The following SLC4A4 variants were observed in gnomAD, a reference collection of about 807,000 sequenced individuals.
The protein encoded by SLC4A4 is electrogenic sodium bicarbonate cotransporter 1.
SLC4A4 carries 27 observed loss-of-function variants against 111.5 expected under a neutral mutation model. The observed-to-expected ratio is 0.24, with a 90% CI of 0.18 to 0.33. The LOEUF (loss-of-function observed/expected upper bound fraction) is 0.33, where lower values mean the gene tolerates loss of function less well. Ranked by LOEUF, SLC4A4 falls within the 10% of genes least tolerant of loss-of-function variation. The probability of loss-of-function intolerance (pLI) is 1.00; values close to 1 mark genes in which losing one functional copy is unlikely to be tolerated. For missense variants in SLC4A4, 909 were observed against 1,315.5 expected, an observed-to-expected ratio of 0.69 and a Z score of 4.78; for synonymous variants, 443 against 463.4, an observed-to-expected ratio of 0.96 and a Z score of 0.57.
At chr4:71,174,255 CTT>C (rs35256882) in intron 2 of SLC4A4, among the ~76,000 whole-genome samples, 46 of 140,798 alleles carry the variant, frequency 3.3e-4, no homozygotes, top group East Asian at 6.1e-4. Context: ...CCACACCACA[CTT>C]TTTTTTTTTT....
intron 7 of SLC4A4, among the ~76,000 whole-genome samples, chr4:71,426,148 A>G (rs940805780): frequency 1.3e-5 from 2 of 152,112 alleles, no homozygotes; most frequent in Middle Eastern, 3.4e-3. Context: ...TTTTATTGCT[A>G]CAAAAAGTCT....
Position 71,266,444 on chromosome 4 carries a change from G to A in SLC4A4, c.253+11045G>A, listed in dbSNP as rs934508668. Among the ~76,000 whole-genome samples the A allele has an allele frequency of 2.0e-5, 3 of 152,116 alleles. No homozygotes were observed. In the South Asian group the frequency reaches 6.2e-4, roughly 31 times the overall value. On this transcript the variant is annotated intron_variant, in intron 3 of 25. Transcript: ENST00000264485. ...ATTACAGTTTGGCTTTTAGGCAATT[G>A]TGCAGCTTTTTGAGTATGTGGTAAG... is the stretch of plus-strand genomic sequence containing the variant.
intron 2 of SLC4A4, among the ~76,000 whole-genome samples, chr4:71,117,741 G>T (rs1196916018): frequency 1.3e-5 from 2 of 151,938 alleles, no homozygotes; most frequent in African/African-American, 4.8e-5. Flanking sequence ...AGATGGAAAG[G>T]GTTCTCTCCC....
At chr4:71,481,855 C>T (rs974775704) in intron 14 of SLC4A4, among the ~76,000 whole-genome samples, 91 of 151,664 alleles carry the variant, frequency 6.0e-4, no homozygotes, top group African/African-American at 2.1e-3. Context: ...TGTGGAAGCT[C>T]TCTGAAAGCC....
chr4:71,143,028 A>G (rs1744052285), intron 2 of SLC4A4, among the ~76,000 whole-genome samples: 1 of 151,968 alleles, frequency 6.6e-6, no homozygotes, highest in Admixed American at 6.6e-5. Flanking sequence ...TACATGTGCC[A>G]TGTTGGTGTG....
chr4:71,149,809 C>T (rs2148971304), intron 2 of SLC4A4, among the ~76,000 whole-genome samples: 1 of 152,256 alleles, frequency 6.6e-6, no homozygotes, highest in East Asian at 1.9e-4. Flanking sequence ...CATGAAAATG[C>T]AGCCAGAGCC....
chr4:71,539,227 T>C (rs7688931), intron 18 of SLC4A4, among the ~76,000 whole-genome samples: 109,179 of 151,942 alleles, frequency 0.72, 39,509 homozygotes, highest in Admixed American at 0.76. Flanking sequence ...GCCTAGACTC[T>C]TCTAAAGGGT....
At chr4:71,407,781 GT>G (rs564084815) in intron 7 of SLC4A4, among the ~76,000 whole-genome samples, 2,848 of 144,304 alleles carry the variant, frequency 0.02, 54 homozygotes, top group African/African-American at 0.05. Context: ...ACATTTCAAT[GT>G]TTTTTTTTTT....
At position 71,348,243 on chromosome 4, in the gene SLC4A4, GT is replaced by G. The variant is rs374491031; in HGVS notation, c.390-1661del. On this transcript the variant is annotated intron_variant, in intron 4 of 25. Coordinates refer to ENST00000264485, the MANE Select transcript of SLC4A4 (RefSeq NM_001098484.3). ...TCTTTGAGTGTGATATAAAATTGTC[GT>G]TTTTTTTCTCCCAGTTCCTTTTATT... is the stretch of plus-strand genomic sequence containing the variant. Among the ~76,000 whole-genome samples the G allele has an allele frequency of 8.0e-3, 1,196 of 149,186 alleles. 17 individuals carry two copies. Among genetic ancestry groups the G allele is most frequent in the African/African-American group, 0.026 (1,059 of 40,710 alleles).
chr4:71,503,855 G>A (rs1731158766), intron 16 of SLC4A4, among the ~76,000 whole-genome samples: 1 of 152,046 alleles, frequency 6.6e-6, no homozygotes, highest in Non-Finnish European at 1.5e-5. Context: ...TTTTTTATAA[G>A]ACTGATCTAG....
intron 2 of SLC4A4, among the ~76,000 whole-genome samples, chr4:71,163,110 A>C (rs1744652454): frequency 6.6e-6 from 1 of 152,256 alleles, no homozygotes; most frequent in South Asian, 2.1e-4. Flanking sequence ...TGGTAACATC[A>C]GATGCATTAT....
At chr4:71,096,062 T>C (rs1375266578) in intron 2 of SLC4A4, among the ~76,000 whole-genome samples, 1 of 151,984 alleles carries the variant, frequency 6.6e-6, no homozygotes, top group Non-Finnish European at 1.5e-5. Context: ...CACTCTAGGA[T>C]ATAGGCAGGC....
At chr4:71,422,498 T>G (rs1406655023) in intron 7 of SLC4A4, among the ~76,000 whole-genome samples, 3 of 152,122 alleles carry the variant, frequency 2.0e-5, no homozygotes, top group Non-Finnish European at 4.4e-5. Context: ...GAGGCCAGCA[T>G]CATCCTGATA....
At chr4:71,414,963 A>G (rs1721706487) in intron 7 of SLC4A4, among the ~76,000 whole-genome samples, 1 of 152,232 alleles carries the variant, frequency 6.6e-6, no homozygotes, top group Non-Finnish European at 1.5e-5. Context: ...TAAGGGTGTC[A>G]TTCTGAGGGA....
intron 1 of SLC4A4, among the ~76,000 whole-genome samples, chr4:71,216,265 G>A (rs1718427505): frequency 6.6e-6 from 1 of 152,170 alleles, no homozygotes; most frequent in East Asian, 1.9e-4. Flanking sequence ...CCAAAGATGT[G>A]TTAACTGAAA....
chr4:71,515,195 G>T (rs1732269435), intron 16 of SLC4A4, among the ~76,000 whole-genome samples: 1 of 151,880 alleles, frequency 6.6e-6, no homozygotes, highest in Non-Finnish European at 1.5e-5. Context: ...GTTGTTTCAA[G>T]AATTTTTTTG....
chr4:71,188,492 T>G (rs1745592507), intron 1 of SLC4A4, among the ~76,000 whole-genome samples: 1 of 152,182 alleles, frequency 6.6e-6, no homozygotes, highest in Non-Finnish European at 1.5e-5. Flanking sequence ...TCAAGAACAC[T>G]GGGCTGTACT....
intron 1 of SLC4A4, among the ~76,000 whole-genome samples, chr4:71,072,393 A>T (rs984806402): frequency 6.6e-6 from 1 of 152,160 alleles, no homozygotes; most frequent in Admixed American, 6.6e-5. Flanking sequence ...TAGTATAGTT[A>T]TGTCTATTGT....
At chr4:71,460,105 C>T (rs866748799) in intron 12 of SLC4A4, among the ~76,000 whole-genome samples, 62 of 151,858 alleles carry the variant, frequency 4.1e-4, no homozygotes, top group African/African-American at 1.1e-3. Context: ...CTTAGGGTTA[C>T]CATATGTCTT....
Sources: allele counts gnomAD v4.1 joint callset (sites outside exome capture counted in the v4.1 genomes callset), GRCh38; gene constraint gnomAD v4.1.1; transcripts MANE v1.5; gene names NCBI Gene and HGNC (gene_info 2026-07-23, HGNC 2026-07-21).